The following GAB2 variants were observed in gnomAD, a reference collection of about 807,000 sequenced individuals.
GAB2 encodes the protein GRB2-associated-binding protein 2.
GAB2 carries 26 observed loss-of-function variants against 65.5 expected under a neutral mutation model. The observed-to-expected ratio is 0.40, with a 90% confidence interval of 0.29 to 0.55. The LOEUF is 0.55. Among genes scored for constraint, GAB2 ranks in the 20% least tolerant of loss-of-function variants. The probability of loss-of-function intolerance (pLI) is 0.53; values close to 1 mark genes in which losing one functional copy is unlikely to be tolerated. For synonymous variants in GAB2, 321 were observed against 329.6 expected (o/e 0.97, Z 0.28); for missense variants, 884 against 875.8 (o/e 1.01, Z -0.12).
intron 2 of GAB2, among the ~76,000 whole-genome samples, chr11:78,272,637 G>C (rs554503747): frequency 3.3e-5 from 5 of 152,302 alleles, no homozygotes; most frequent in Non-Finnish European, 7.4e-5. Context: ...ATCTGCACCT[G>C]ACAATGCAAT....
intron 1 of GAB2, among the ~76,000 whole-genome samples, chr11:78,297,826 A>G (rs929768249): frequency 6.6e-6 from 1 of 152,212 alleles, no homozygotes; most frequent in African/African-American, 2.4e-5. Context: ...TAAATATACC[A>G]TGTTTATGTA....
At chr11:78,220,042 C>G (rs1864342090) in intron 9 of GAB2, among the ~76,000 whole-genome samples, 1 of 152,176 alleles carries the variant, frequency 6.6e-6, no homozygotes, top group South Asian at 2.1e-4. Flanking sequence ...TTAGGACAAT[C>G]AGATCTCTGT....
At chr11:78,346,920 T>C (rs1856199705) in intron 1 of GAB2, among the ~76,000 whole-genome samples, 1 of 151,812 alleles carries the variant, frequency 6.6e-6, no homozygotes, top group African/African-American at 2.4e-5. Flanking sequence ...GTTTACCTAG[T>C]ATGACCAGAG....
intron 1 of GAB2, among the ~76,000 whole-genome samples, chr11:78,348,179 GGGGA>G (rs1009925351): frequency 6.6e-6 from 1 of 152,126 alleles, no homozygotes; most frequent in Non-Finnish European, 1.5e-5. Context: ...AGAGGTAGAA[GGGGA>G]GGAAGGGGAG....
intron 1 of GAB2, among the ~76,000 whole-genome samples, chr11:78,379,642 T>G (rs1276544764): frequency 6.6e-6 from 1 of 152,250 alleles, no homozygotes; most frequent in Admixed American, 6.5e-5. Context: ...AAAATCAGAA[T>G]GTTTCCTACT....
chr11:78,269,723 T>A (rs951647550), intron 2 of GAB2, among the ~76,000 whole-genome samples: 4 of 152,182 alleles, frequency 2.6e-5, no homozygotes, highest in Non-Finnish European at 5.9e-5. Flanking sequence ...AGTTTAAGTA[T>A]TTACAAAATA....
intron 2 of GAB2, among the ~76,000 whole-genome samples, chr11:78,271,688 T>A (rs985292829): frequency 2.0e-5 from 3 of 152,094 alleles, no homozygotes; most frequent in Non-Finnish European, 4.4e-5. Flanking sequence ...ATGAGTCCTA[T>A]CACAACTCTT....
In GAB2 at chr11:78,226,620, G is replaced by GCCCC; in HGVS notation, c.1051_1052insGGGG (p.Pro351ArgfsTer28). 2.0e-6 allele frequency: 3 copies of GCCCC among 1,500,532 alleles called. No homozygotes were observed. Among genetic ancestry groups the GCCCC allele is most frequent in the Non-Finnish European group, 2.8e-6 (3 of 1,078,996 alleles). The allele number at this position is 1,500,532 out of a possible 1,614,324, so 93.0% of individuals were successfully genotyped here. Reference sequence around the variant, plus strand: ...ACTTGGCTTGGGGGGGCGGGGTGGGGGAGCTATGGCTGAGTCCCCAGGAGT... The same window carrying GCCCC: ...ACTTGGCTTGGGGGGGCGGGGTGGGGCCCCGAGCTATGGCTGAGTCCCCAGGAGT... On this transcript the variant is annotated frameshift_variant, in exon 4 of 10. Transcript: ENST00000361507. LOFTEE classifies it high-confidence loss of function.
At chr11:78,280,943 C>A (rs1413882856) in intron 1 of GAB2, 42 bp from the exon 2 acceptor site, 1 of 1,522,340 alleles carries the variant, frequency 6.6e-7, no homozygotes, top group South Asian at 1.2e-5. Flanking sequence ...GGGAAGAAGT[C>A]ATTAGTTATT....
At chr11:78,352,530 A>C (rs1025429712) in intron 1 of GAB2, among the ~76,000 whole-genome samples, 5 of 152,234 alleles carry the variant, frequency 3.3e-5, no homozygotes, top group African/African-American at 1.2e-4. Flanking sequence ...CTGAGAGACC[A>C]AATAGCCATT....
intron 1 of GAB2, among the ~76,000 whole-genome samples, chr11:78,348,387 CAGTA>C (rs1856223644): frequency 6.6e-6 from 1 of 152,108 alleles, no homozygotes; most frequent in Non-Finnish European, 1.5e-5. Flanking sequence ...TTGTACAACT[CAGTA>C]AGAAGATAAA....
intron 6 of GAB2, among the ~76,000 whole-genome samples, chr11:78,222,837 C>T (rs1262262062): frequency 1.3e-5 from 2 of 152,206 alleles, no homozygotes; most frequent in Non-Finnish European, 2.9e-5. Context: ...CTCGCCTCAG[C>T]CTCCCAAAGT....
chr11:78,284,585 G>A (rs1019881252), intron 1 of GAB2, among the ~76,000 whole-genome samples: 1 of 152,142 alleles, frequency 6.6e-6, no homozygotes, highest in Admixed American at 6.5e-5. Flanking sequence ...TCCTGGCCCT[G>A]GAACACTCCT....
At chr11:78,414,087 CAAAAAAAAAA>C (rs34915163) in intron 1 of GAB2, among the ~76,000 whole-genome samples, 1 of 83,292 alleles carries the variant, frequency 1.2e-5, no homozygotes, top group Non-Finnish European at 2.6e-5. Flanking sequence ...AACTCTGTCT[CAAAAAAAAAA>C]AAAAAAAAAA....
At chr11:78,308,977 A>G (rs1272084912) in intron 1 of GAB2, among the ~76,000 whole-genome samples, 2 of 152,230 alleles carry the variant, frequency 1.3e-5, no homozygotes, top group Non-Finnish European at 2.9e-5. Flanking sequence ...AGAAGTCTAG[A>G]GACAGGAAGA....
intron 1 of GAB2, 53 bp from the exon 2 acceptor site, chr11:78,280,954 T>C: frequency 6.8e-7 from 1 of 1,476,422 alleles, no homozygotes. Flanking sequence ...ATTAGTTATT[T>C]CAAAGCTTTT....
chr11:78,300,750 G>A (rs965656758), intron 1 of GAB2, among the ~76,000 whole-genome samples: 6 of 143,214 alleles, frequency 4.2e-5, no homozygotes, highest in Admixed American at 2.2e-4. Context: ...GCTGGAATGC[G>A]GTGGCATGAC....
chr11:78,283,650 G>T (rs1237886810), intron 1 of GAB2, among the ~76,000 whole-genome samples: 1 of 152,050 alleles, frequency 6.6e-6, no homozygotes, highest in African/African-American at 2.4e-5. Context: ...AAAGACTTCA[G>T]TGCTGATAAA....
At chr11:78,355,680 T>TAAAAAAAA (rs67850407) in intron 1 of GAB2, among the ~76,000 whole-genome samples, 3 of 79,140 alleles carry the variant, frequency 3.8e-5, no homozygotes, top group Non-Finnish European at 6.4e-5. Flanking sequence ...CTGTCTCACT[T>TAAAAAAAA]AAAAAAAAAA....
Sources: allele counts gnomAD v4.1 joint callset (sites outside exome capture counted in the v4.1 genomes callset), GRCh38; gene constraint gnomAD v4.1.1; transcripts MANE v1.5; gene names NCBI Gene and HGNC (gene_info 2026-07-23, HGNC 2026-07-21).